The following DNAAF2 variants were observed in gnomAD, a reference collection of about 807,000 sequenced individuals.
DNAAF2 encodes dynein axonemal assembly factor 2, also known as protein kintoun.
A neutral mutation model predicts 48.8 loss-of-function variants in DNAAF2; 58 were observed. The ratio of observed to expected loss-of-function variants is 1.19; its 90% CI spans 0.96 to 1.48. The LOEUF (loss-of-function observed/expected upper bound fraction) is 1.48. Ranked by LOEUF, DNAAF2 falls within the 40% of genes most tolerant of loss-of-function variation. DNAAF2 has a pLI of 0.00. For missense variants in DNAAF2, 1,241 were observed against 1,116.1 expected (o/e 1.11, Z -1.59); for synonymous variants, 567 against 481.2 (o/e 1.18, Z -2.33).
At chr14:49,628,800 T>A (rs947763985) in intron 1 of DNAAF2, among the ~76,000 whole-genome samples, 2 of 152,142 alleles carry the variant, frequency 1.3e-5, no homozygotes, top group Non-Finnish European at 2.9e-5. Flanking sequence ...GGGCTATAAA[T>A]GGGATCCCAG....
At chr14:49,628,627 G>C (rs563551560) in intron 1 of DNAAF2, among the ~76,000 whole-genome samples, 1 of 152,176 alleles carries the variant, frequency 6.6e-6, no homozygotes, top group East Asian at 1.9e-4. Context: ...ACTAATTTTT[G>C]TATTTTTGGT....
Position 49,628,150 on chromosome 14 carries a change from C to A in DNAAF2, c.1869G>T (p.Arg623Ser). 1 of 1,579,534 alleles carries A rather than the reference C, an allele frequency of 6.3e-7. No homozygotes were observed. The highest frequency in any genetic ancestry group is 1.3e-5 in the African/African-American group (1 of 74,254). The change falls in exon 2 of 3, where the codon AGG becomes AGT. Residue 623 changes from arginine to serine, a missense_variant. Physicochemically the swap from Arg to Ser is moderately radical, Grantham distance 110. Transcript: ENST00000298292. ...YGVNNDSLEE[R>S]LFVNEENVNE... ...TAACATTTTCTTCATTGACAAATAA[C>A]CTTTCCTAAAATAAAAAGGGAAAAA...
In DNAAF2 at chr14:49,634,292, G is replaced by A. The variant is rs1424463587; in HGVS notation, c.858C>T (p.Thr286=). ...CCGAGCGCAACAGCGGCAGTTCGATGGTGATCACCAGCTCATGGGGCACGG... is the reference window on the plus strand; with the variant it reads ...CCGAGCGCAACAGCGGCAGTTCGATAGTGATCACCAGCTCATGGGGCACGG... ...PSPVPHELVI[T]IELPLLRSAE... is the part of the protein sequence containing the mutation. The change falls in exon 1 of 3, where the codon ACC becomes ACT. Residue 286 remains threonine (T), a synonymous_variant. Coordinates refer to ENST00000298292, the MANE Select transcript of DNAAF2 (RefSeq NM_018139.3). 1.9e-6 allele frequency: 3 copies of A among 1,611,960 alleles called. No homozygotes were observed. The highest frequency in any genetic ancestry group is 2.7e-5 in the African/African-American group (2 of 74,934).
At position 49,635,110 on chromosome 14, in the gene DNAAF2, C is replaced by G; in HGVS notation, c.40G>C (p.Asp14His). ...CGCTGGACCTCCTCTCCGCTCAGGT[C>G]CAAGTCCTCCAGCGACGAGGAGGCC... ...AAASSSLEDL[D>H]LSGEEVQRLT... Residue 14 changes from aspartate to histidine, a missense_variant, in exon 1 of 3, where the codon GAC becomes CAC. By Grantham distance (81) the Asp-to-His change is moderately conservative (BLOSUM62 -1). Coordinates refer to ENST00000298292, the MANE Select transcript of DNAAF2 (RefSeq NM_018139.3). The G allele has an allele frequency of 6.4e-7, 1 of 1,573,720 alleles. No homozygotes were observed.
chr14:49,626,799 CTTTTTTTTTTTTTTTT>C (rs34085502), intron 2 of DNAAF2, among the ~76,000 whole-genome samples: 20 of 63,414 alleles, frequency 3.2e-4, no homozygotes, highest in South Asian at 2.2e-3. Context: ...TGCTGCCAGT[CTTTTTTTTTTTTTTTT>C]TTTTTTTTGA....
chr14:49,633,244 G>A, intron 1 of DNAAF2, 43 bp downstream of exon 1: 1 of 1,598,926 alleles, frequency 6.3e-7, no homozygotes, highest in African/African-American at 1.3e-5. Context: ...TTTAAAGTGA[G>A]ATGGGATATT....
chr14:49,631,119 T>C (rs1345382980), intron 1 of DNAAF2, among the ~76,000 whole-genome samples: 4 of 152,296 alleles, frequency 2.6e-5, no homozygotes, highest in African/African-American at 7.2e-5. Flanking sequence ...ACCTTGGGAA[T>C]AGAAAAATTT....
Position 49,630,669 on chromosome 14 carries a change from C to CCACACACACACA in DNAAF2, c.1864-2526_1864-2515dup, listed in dbSNP as rs71441237. 8.9e-3 allele frequency among the ~76,000 whole-genome samples: 1,184 copies of CCACACACACACA among 132,540 alleles called. 20 individuals carry two copies. The highest frequency in any genetic ancestry group is 0.024 in the African/African-American group (861 of 35,492). 87.0% of individuals were successfully genotyped at this position (132,540 alleles called of 152,430 possible). A position where few individuals can be genotyped will look rare whatever the true frequency, so the allele number is the denominator to read the frequency against. On this transcript the variant is annotated intron_variant, in intron 1 of 2. Coordinates refer to ENST00000298292, the MANE Select transcript of DNAAF2 (RefSeq NM_018139.3). ...ATTTTGGCCCAAATAAACTCTCTCT[C>CCACACACACACA]CACACACACACACACACACACACAC...
rs1883221436 is a variant in DNAAF2 at position 49,633,503 on chromosome 14, T to C, written c.1647A>G (p.Gln549=). The stretch of plus-strand genomic sequence containing the variant: ...TGTACCAGAGGGGATTCAAATCTCC[T>C]TGAAGACTTTGCGGCTGGATCCGAG... ...QVPRIQPQSL[Q]GDLNPLWYKL... The change falls in exon 1 of 3, where the codon CAA becomes CAG. Residue 549 remains glutamine, a synonymous_variant. Transcript: ENST00000298292. 3 of 1,613,962 alleles carry C rather than the reference T, an allele frequency of 1.9e-6. No individual in the cohort carries two copies. The highest frequency in any genetic ancestry group is 1.7e-5 in the Admixed American group (1 of 60,014).
chr14:49,626,254 A>G (rs1036116380), intron 2 of DNAAF2, among the ~76,000 whole-genome samples: 6 of 152,104 alleles, frequency 3.9e-5, no homozygotes, highest in Admixed American at 3.9e-4. Flanking sequence ...TTGGGATGCC[A>G]AGGCAGGCAG....
chr14:49,634,877 A>G lies in DNAAF2; in HGVS notation c.273T>C (p.Asn91=), dbSNP rs1000776853. The G allele has an allele frequency of 6.5e-7, 1 of 1,549,082 alleles. No homozygotes were observed. The highest frequency in any genetic ancestry group is 8.7e-7 in the Non-Finnish European group (1 of 1,146,318). The part of the protein sequence containing the change: ...SLDGARRCFV[N]VCSNALVGAP... ...CGCCCACCAACGCGTTGCTGCAGAC[A>G]TTCACAAAGCAGCGCCGCGCCCCGT... is the stretch of plus-strand genomic sequence containing the variant. Residue 91 remains asparagine (N), a synonymous_variant, in exon 1 of 3, where the codon AAT becomes AAC. Coordinates refer to ENST00000298292, the MANE Select transcript of DNAAF2 (RefSeq NM_018139.3).
intron 2 of DNAAF2, 74 bp from the exon 3 acceptor site, chr14:49,626,122 TA>T: frequency 2.4e-6 from 3 of 1,234,848 alleles, no homozygotes; most frequent in South Asian, 5.0e-5. Context: ...CCTCTGGAAA[TA>T]AAATTTTTAA....
Position 49,635,217 on chromosome 14 carries a change from T to C in DNAAF2, c.-68A>G, listed in dbSNP as rs1883315696. ...CTGACACTGGGTTGGGGGATCCGCC[T>C]CAGAGTTTCTGGGCAGCGTACAGTG... On this transcript the variant is annotated 5_prime_UTR_variant, in exon 1 of 3. Coordinates refer to ENST00000298292, the MANE Select transcript of DNAAF2 (RefSeq NM_018139.3). 3 of 1,493,642 alleles carry C rather than the reference T, an allele frequency of 2.0e-6. No individual in the cohort carries two copies. The highest frequency in any genetic ancestry group is 4.5e-4 in the Middle Eastern group (2 of 4,402). 92.5% of individuals were successfully genotyped at this position (1,493,642 alleles called of 1,614,324 possible).
Position 49,625,946 on chromosome 14 carries a change from G to A in DNAAF2, c.2110C>T (p.Pro704Ser), listed in dbSNP as rs765208724. ...EKEYIEHCNT[P>S]TTDSDSSIAV... is the part of the protein sequence containing the mutation. ...ATAGATGAATCAGAATCAGTTGTAG[G>A]GGTGTTACAATGTTCTATATATTCC... is the stretch of plus-strand genomic sequence containing the variant. Residue 704 changes from proline (P) to serine (S), a missense_variant, in exon 3 of 3, where the codon CCT becomes TCT. By Grantham distance (74) the Pro-to-Ser change is moderately conservative (BLOSUM62 -1). Transcript: ENST00000298292. The A allele has an allele frequency of 5.0e-6, 8 of 1,612,790 alleles. No homozygotes were observed. In the East Asian group the frequency reaches 6.7e-5, roughly 14 times the overall value.
At chr14:49,632,505 G>A (rs35080382) in intron 1 of DNAAF2, among the ~76,000 whole-genome samples, 9,395 of 151,396 alleles carry the variant, frequency 0.062, 391 homozygotes, top group Middle Eastern at 0.088. Context: ...GAGTGCAGTA[G>A]CATGATATCG....
chr14:49,634,927 C>T lies in DNAAF2; in HGVS notation c.223G>A (p.Gly75Ser), dbSNP rs1883301372. 6.4e-7 allele frequency: 1 copy of T among 1,554,024 alleles called. No individual in the cohort carries two copies. The highest frequency in any genetic ancestry group is 8.7e-7 in the Non-Finnish European group (1 of 1,148,702). The change falls in exon 1 of 3, where the codon GGC becomes AGC. Residue 75 changes from glycine (G) to serine (S), a missense_variant. Transcript: ENST00000298292. Reference protein sequence around the residue: ...VEVRFVHPEPGHVLRTSLDGA... With the variant: ...VEVRFVHPEPSHVLRTSLDGA... ...TCCAGGCTGGTGCGCAGCACATGGC[C>T]GGGCTCCGGGTGCACGAACCGCACT... is the stretch of plus-strand genomic sequence containing the variant.
In DNAAF2 at chr14:49,634,951, C is replaced by G; in HGVS notation, c.199G>C (p.Val67Leu). 6.4e-7 allele frequency: 1 copy of G among 1,558,466 alleles called. No homozygotes were observed. Residue 67 changes from valine (V) to leucine (L), a missense_variant, in exon 1 of 3, where the codon GTG becomes CTG. Physicochemically the swap from Val to Leu is conservative, Grantham distance 32. Coordinates refer to ENST00000298292, the MANE Select transcript of DNAAF2 (RefSeq NM_018139.3). ...CCGGGCTCCGGGTGCACGAACCGCA[C>G]TTCCACCCCGCGCTCACGCTCTAGC... is the stretch of plus-strand genomic sequence containing the variant. ...TALERERGVEVRFVHPEPGHV... is the reference protein window; with the variant it reads ...TALERERGVELRFVHPEPGHV...
chr14:49,628,147 T>C lies in DNAAF2; in HGVS notation c.1872A>G (p.Leu624=). The stretch of plus-strand genomic sequence containing the variant: ...CATTAACATTTTCTTCATTGACAAA[T>C]AACCTTTCCTAAAATAAAAAGGGAA... ...GVNNDSLEER[L]FVNEENVNEF... The change falls in exon 2 of 3, where the codon TTA becomes TTG. Residue 624 remains leucine (L), a synonymous_variant. Coordinates refer to ENST00000298292, the MANE Select transcript of DNAAF2 (RefSeq NM_018139.3). 6.3e-7 allele frequency: 1 copy of C among 1,579,356 alleles called. No individual in the cohort carries two copies. Among genetic ancestry groups the C allele is most frequent in the South Asian group, 1.2e-5 (1 of 85,336 alleles).
intron 2 of DNAAF2, among the ~76,000 whole-genome samples, chr14:49,627,452 A>G (rs114475477): frequency 0.011 from 1,612 of 152,342 alleles, 20 homozygotes; most frequent in African/African-American, 0.033. Flanking sequence ...CTAGTACTCA[A>G]ACTTCCTAAG....
Sources: gnomAD v4.1 joint callset for allele counts (sites outside exome capture counted in the v4.1 genomes callset) on GRCh38, gnomAD v4.1.1 for gene constraint, MANE v1.5 for transcripts, NCBI Gene and HGNC (gene_info 2026-07-23, HGNC 2026-07-21) for gene names.